Variants in SWT1 observed in about 807,000 individuals in gnomAD.
The protein encoded by SWT1 is transcriptional protein SWT1.
In SWT1, 33 loss-of-function variants were observed where a neutral mutation model predicts 107.3. The ratio of observed to expected loss-of-function variants is 0.31; its 90% CI spans 0.23 to 0.41. SWT1 has a LOEUF of 0.41. SWT1 is among the 10% of genes least tolerant of loss of function. The probability of loss-of-function intolerance (pLI) is 1.00; values close to 1 mark genes in which losing one functional copy is unlikely to be tolerated. For synonymous variants in SWT1, 345 were observed against 348.3 expected (o/e 0.99, Z 0.11); for missense variants, 898 against 1,028.9 (o/e 0.87, Z 1.74).
intron 4 of SWT1, chr1:185,171,545 A>T (rs1297339089): frequency 2.4e-6 from 1 of 408,292 alleles, no homozygotes; most frequent in Non-Finnish European, 4.8e-6. Flanking sequence ...CTCCAATGAC[A>T]TTCCTAGCTT....
intron 15 of SWT1, among the ~76,000 whole-genome samples, chr1:185,222,859 A>G (rs780348113): frequency 1.4e-4 from 21 of 152,126 alleles, no homozygotes; most frequent in Non-Finnish European, 2.8e-4. Context: ...CCTACTATGC[A>G]ATAGAACACC....
chr1:185,183,093 A>G (rs1051826934), intron 7 of SWT1, among the ~76,000 whole-genome samples: 3 of 150,940 alleles, frequency 2.0e-5, no homozygotes, highest in African/African-American at 7.3e-5. Context: ...GCCAAGATTG[A>G]GCCACTGCAT....
At chr1:185,185,402 T>C (rs1240994665) in intron 9 of SWT1, among the ~76,000 whole-genome samples, 2 of 152,202 alleles carry the variant, frequency 1.3e-5, no homozygotes, top group African/African-American at 2.4e-5. Context: ...TTTTTTTCAA[T>C]ATTAGTTTCT....
intron 10 of SWT1, among the ~76,000 whole-genome samples, chr1:185,195,320 A>C (rs1657293342): frequency 6.6e-6 from 1 of 152,182 alleles, no homozygotes; most frequent in Non-Finnish European, 1.5e-5. Context: ...CCTGCAAAGG[A>C]CATGAACTCA....
rs780426373 is a variant in SWT1, at chr1:185,221,977, C to G, written c.2250C>G (p.Ser750Arg). 1 of 1,612,098 alleles carries G rather than the reference C, an allele frequency of 6.2e-7. No homozygotes were observed. Among genetic ancestry groups the G allele is most frequent in the Non-Finnish European group, 8.5e-7 (1 of 1,179,226 alleles). The change falls in exon 15 of 19, where the codon AGC becomes AGG. Residue 750 changes from serine to arginine, a missense_variant. Coordinates refer to ENST00000367500, the MANE Select transcript of SWT1 (RefSeq NM_017673.7). ...CGAGTTCTCATCTTCCCCAACCCAG[C>G]AGGCATCAAGAAATCTGGTCTATCC... ...VFSSSHLPQP[S>R]RHQEIWSILE...
intron 16 of SWT1, among the ~76,000 whole-genome samples, chr1:185,256,435 G>C (rs1310894218): frequency 2.6e-5 from 4 of 151,016 alleles, no homozygotes; most frequent in African/African-American, 9.8e-5. Context: ...ACGTAGATTT[G>C]GTCTTTTCAC....
intron 17 of SWT1, among the ~76,000 whole-genome samples, chr1:185,275,021 C>T (rs962944884): frequency 6.6e-6 from 1 of 151,994 alleles, no homozygotes; most frequent in Admixed American, 6.6e-5. Flanking sequence ...GGATAAATGT[C>T]TAAATGTATG....
intron 18 of SWT1, among the ~76,000 whole-genome samples, chr1:185,289,914 T>C (rs1183239341): frequency 1.3e-5 from 2 of 152,170 alleles, no homozygotes; most frequent in Non-Finnish European, 2.9e-5. Context: ...AGAGATCTAT[T>C]GTACAACATG....
At chr1:185,174,276 T>C in intron 4 of SWT1, 96 bp from the exon 5 acceptor site, 1 of 965,942 alleles carries the variant, frequency 1.0e-6, no homozygotes, top group South Asian at 2.9e-5. Flanking sequence ...TTTATGAAGC[T>C]TAATGTCAGC....
At chr1:185,241,298 G>A (rs1444980797) in intron 16 of SWT1, among the ~76,000 whole-genome samples, 2 of 152,100 alleles carry the variant, frequency 1.3e-5, no homozygotes, top group African/African-American at 4.8e-5. Flanking sequence ...GAGTGGAGGG[G>A]TTTATTCATG....
intron 4 of SWT1, among the ~76,000 whole-genome samples, chr1:185,172,786 C>A (rs1399551964): frequency 6.6e-6 from 1 of 152,116 alleles, no homozygotes; most frequent in East Asian, 1.9e-4. Flanking sequence ...CGGTGGCTCA[C>A]ACCTGTAATC....
At chr1:185,171,114 C>T (rs563375396) in intron 4 of SWT1, among the ~76,000 whole-genome samples, 2 of 152,130 alleles carry the variant, frequency 1.3e-5, no homozygotes, top group East Asian at 1.9e-4. Context: ...AAGTCACCGT[C>T]TCCTTCTATT....
chr1:185,268,038 A>G (rs1328642993), intron 16 of SWT1, among the ~76,000 whole-genome samples: 1 of 152,192 alleles, frequency 6.6e-6, no homozygotes, highest in African/African-American at 2.4e-5. Context: ...TTCAGAGTTC[A>G]TAGGATGTAA....
At chr1:185,230,298 A>G (rs1395088789) in intron 15 of SWT1, among the ~76,000 whole-genome samples, 2 of 152,212 alleles carry the variant, frequency 1.3e-5, no homozygotes, top group East Asian at 3.8e-4. Flanking sequence ...AAAACAACAG[A>G]AATGTATTTG....
chr1:185,264,642 A>C (rs776490826), intron 16 of SWT1: 1 of 192,038 alleles, frequency 5.2e-6, no homozygotes, highest in Non-Finnish European at 9.6e-6. Flanking sequence ...AGGTAAAATA[A>C]GTTATCTGAT....
intron 16 of SWT1, among the ~76,000 whole-genome samples, chr1:185,247,541 T>C (rs751913584): frequency 2.6e-5 from 4 of 152,246 alleles, no homozygotes; most frequent in Non-Finnish European, 5.9e-5. Context: ...GATTCATATT[T>C]ATGTATCATA....
intron 16 of SWT1, among the ~76,000 whole-genome samples, chr1:185,236,524 A>G (rs1008765751): frequency 2.0e-5 from 3 of 152,236 alleles, no homozygotes; most frequent in South Asian, 2.1e-4. Context: ...ATATGCAGAA[A>G]GCTGAAACTG....
chr1:185,276,717 A>G (rs373255945), intron 18 of SWT1, 49 bp downstream of exon 18: 45 of 1,039,694 alleles, frequency 4.3e-5, no homozygotes, highest in Non-Finnish European at 6.1e-5. Flanking sequence ...AAGCTTTTCC[A>G]TATACAGCAG....
intron 16 of SWT1, among the ~76,000 whole-genome samples, chr1:185,263,023 G>A (rs1663135392): frequency 6.6e-6 from 1 of 152,112 alleles, no homozygotes; most frequent in Non-Finnish European, 1.5e-5. Context: ...CTGGGCTCAA[G>A]TGATTCACCC....
Sources: allele counts gnomAD v4.1 joint callset (sites outside exome capture counted in the v4.1 genomes callset), GRCh38; gene constraint gnomAD v4.1.1; transcripts MANE v1.5; gene names NCBI Gene and HGNC (gene_info 2026-07-23, HGNC 2026-07-21).